Variants in TFDP2 observed in about 807,000 individuals in gnomAD.
TFDP2 encodes the protein transcription factor Dp-2 (E2F dimerization partner 2).
A neutral mutation model predicts 59.3 loss-of-function variants in TFDP2; 17 were observed. The observed-to-expected ratio is 0.29, with a 90% CI of 0.20 to 0.43. The LOEUF (loss-of-function observed/expected upper bound fraction) is 0.43. Ranked by LOEUF, TFDP2 falls within the 20% of genes least tolerant of loss-of-function variation. The pLI is 1.00. For missense variants in TFDP2, 391 were observed against 528.8 expected (o/e 0.74, Z 2.56); for synonymous variants, 180 against 194.7 (o/e 0.92, Z 0.63).
rs1365861572 is a variant in TFDP2 at position 142,149,295 on chromosome 3, C to T, written c.-205G>A. On this transcript the variant is annotated 5_prime_UTR_variant, in exon 1 of 13. Transcript: ENST00000489671. ...GCCCGCGCTTAGGCGGCGGCCGGGT[C>T]CCGGTGGACTCACACCCGGGGAGAC... 5.1e-6 allele frequency: 2 copies of T among 395,788 alleles called. No individual in the cohort carries two copies. The highest frequency in any genetic ancestry group is 4.1e-5 in the African/African-American group (2 of 48,438). 24.5% of individuals were successfully genotyped at this position (395,788 alleles called of 1,614,324 possible).
intron 3 of TFDP2, among the ~76,000 whole-genome samples, chr3:142,091,491 G>A (rs1432946334): frequency 2.0e-5 from 3 of 151,948 alleles, no homozygotes; most frequent in African/African-American, 4.8e-5. Flanking sequence ...ACTTGAACCC[G>A]GGAAGTGGAG....
intron 11 of TFDP2, among the ~76,000 whole-genome samples, chr3:141,955,222 C>A (rs1438522618): frequency 6.6e-6 from 1 of 152,162 alleles, no homozygotes. Context: ...AGGATCCACA[C>A]AATGGTTCTC....
At chr3:142,112,378 G>A (rs2061693594) in intron 1 of TFDP2, among the ~76,000 whole-genome samples, 1 of 152,126 alleles carries the variant, frequency 6.6e-6, no homozygotes, top group Non-Finnish European at 1.5e-5. Flanking sequence ...ATTCCCCAGA[G>A]CTCAACGCAG....
chr3:142,055,150 A>T (rs942384820), intron 3 of TFDP2, among the ~76,000 whole-genome samples: 6 of 152,224 alleles, frequency 3.9e-5, no homozygotes, highest in Non-Finnish European at 5.9e-5. Context: ...TTCAACAAGC[A>T]TTGAATTGTT....
intron 8 of TFDP2, among the ~76,000 whole-genome samples, chr3:141,973,123 ATTTTTT>A (rs761950988): frequency 3.4e-5 from 2 of 58,026 alleles, no homozygotes; most frequent in African/African-American, 1.3e-4. Flanking sequence ...ATATATATAT[ATTTTTT>A]TTTTTTAAAG....
intron 3 of TFDP2, among the ~76,000 whole-genome samples, chr3:142,031,838 TG>T (rs1946444882): frequency 6.6e-6 from 1 of 152,202 alleles, no homozygotes; most frequent in Admixed American, 6.5e-5. Flanking sequence ...AGTGTAATGA[TG>T]GCAGGCATTG....
chr3:142,022,369 C>A (rs1945684886), intron 3 of TFDP2, among the ~76,000 whole-genome samples: 1 of 152,186 alleles, frequency 6.6e-6, no homozygotes, highest in Admixed American at 6.5e-5. Context: ...GTACACTGAA[C>A]TTATTTCTAT....
At chr3:141,973,123 A>ATATATTTTTTTTTTT in intron 8 of TFDP2, among the ~76,000 whole-genome samples, 42 of 57,988 alleles carry the variant, frequency 7.2e-4, no homozygotes, top group East Asian at 6.9e-3. Flanking sequence ...ATATATATAT[A>ATATATTTTTTTTTTT]TTTTTTTTTT....
chr3:141,984,329 G>A (rs557579597), intron 6 of TFDP2, among the ~76,000 whole-genome samples: 60 of 152,060 alleles, frequency 3.9e-4, no homozygotes, highest in Admixed American at 1.0e-3. Context: ...GTGAAACCCC[G>A]TTTACTAAAA....
Position 141,959,659 on chromosome 3 carries a change from C to A in TFDP2, c.1051+15G>T. On this transcript the variant is annotated intron_variant, in intron 11 of 12. Transcript: ENST00000489671. Reference sequence around the variant, plus strand: ...TTTAATCAGGGACAACACATGAAAGCATCAGTTAACATACCTGTGATATAA... The same window carrying A: ...TTTAATCAGGGACAACACATGAAAGAATCAGTTAACATACCTGTGATATAA... The A allele has an allele frequency of 6.2e-7, 1 of 1,609,292 alleles. No homozygotes were observed.
chr3:142,037,384 T>C (rs1411386249), intron 3 of TFDP2, among the ~76,000 whole-genome samples: 1 of 152,110 alleles, frequency 6.6e-6, no homozygotes, highest in Non-Finnish European at 1.5e-5. Flanking sequence ...ATTAGAGAGA[T>C]GGTAAAGGGT....
chr3:141,971,126 T>C (rs1939666223), intron 8 of TFDP2, among the ~76,000 whole-genome samples: 2 of 151,984 alleles, frequency 1.3e-5, no homozygotes, highest in Non-Finnish European at 2.9e-5. Context: ...CTGCTTTTTT[T>C]CTCAATCTGA....
At position 142,022,030 on chromosome 3, in the gene TFDP2, T is replaced by C. The variant is rs375902487; in HGVS notation, c.83-16486A>G. On this transcript the variant is annotated intron_variant, in intron 3 of 12. Transcript: ENST00000489671. ...AACTTTTTAATTGTTCAATTTCTCATTTTTCTTCCACCTGCTCAACTAAAA... is the reference window on the plus strand; with the variant it reads ...AACTTTTTAATTGTTCAATTTCTCACTTTTCTTCCACCTGCTCAACTAAAA... 9.4e-4 allele frequency among the ~76,000 whole-genome samples: 143 copies of C among 152,354 alleles called. 3 individuals carry two copies. In the South Asian group the frequency reaches 0.029, roughly 31 times the overall value.
intron 3 of TFDP2, among the ~76,000 whole-genome samples, chr3:142,056,474 G>A (rs565494750): frequency 1.3e-5 from 2 of 152,156 alleles, no homozygotes; most frequent in South Asian, 2.1e-4. Flanking sequence ...ACCCAGAAAG[G>A]CTGTCAGATA....
At position 142,091,108 on chromosome 3, in the gene TFDP2, G is replaced by A. The variant is rs546883740; in HGVS notation, c.82+1953C>T. On this transcript the variant is annotated intron_variant, in intron 3 of 12. Transcript: ENST00000489671. Reference sequence around the variant, plus strand: ...AAGAATGGAGTCCCTCAGCCCTCACGGCAGTCTGGAGTGGCCTCGGGCAGC... The same window carrying A: ...AAGAATGGAGTCCCTCAGCCCTCACAGCAGTCTGGAGTGGCCTCGGGCAGC... Among the ~76,000 whole-genome samples the A allele has an allele frequency of 3.9e-5, 6 of 152,212 alleles. No individual in the cohort carries two copies. In the South Asian group the frequency reaches 6.2e-4, roughly 16 times the overall value.
Position 142,009,910 on chromosome 3 carries a change from T to C in TFDP2, c.83-4366A>G, listed in dbSNP as rs537302631. Among the ~76,000 whole-genome samples the C allele has an allele frequency of 2.6e-5, 4 of 151,646 alleles. No individual in the cohort carries two copies. The East Asian group carries it at 7.7e-4, about 29-fold the overall frequency. Reference sequence around the variant, plus strand: ...ATTTTTCACACTGAACAAAAATAAATTTCAGAAAAATCAAATATTGAAACA... The same window carrying C: ...ATTTTTCACACTGAACAAAAATAAACTTCAGAAAAATCAAATATTGAAACA... On this transcript the variant is annotated intron_variant, in intron 3 of 12. Transcript: ENST00000489671.
Position 141,965,268 on chromosome 3 carries a change from T to G in TFDP2, c.733-1305A>C, listed in dbSNP as rs191795367. Among the ~76,000 whole-genome samples the G allele has an allele frequency of 2.8e-3, 425 of 152,034 alleles. 9 individuals carry two copies. Among genetic ancestry groups the G allele is most frequent in the African/African-American group, 0.01 (414 of 41,304 alleles). ...ACCCAGTAGTGATAAATTTATTTTT[T>G]ACATTTTAGCAATCTTATGATCAGT... On this transcript the variant is annotated intron_variant, in intron 9 of 12. Coordinates refer to ENST00000489671, the MANE Select transcript of TFDP2 (RefSeq NM_001178139.2).
chr3:142,080,805 T>C (rs1201093051), intron 3 of TFDP2, among the ~76,000 whole-genome samples: 3 of 152,184 alleles, frequency 2.0e-5, no homozygotes, highest in African/African-American at 4.8e-5. Context: ...TAAATATATA[T>C]GTACCCAACA....
chr3:142,112,966 C>G (rs561211483), intron 1 of TFDP2, among the ~76,000 whole-genome samples: 5 of 152,076 alleles, frequency 3.3e-5, no homozygotes, highest in Non-Finnish European at 7.4e-5. Flanking sequence ...TACTTCTGTC[C>G]CTACCCAAAG....
Sources: gnomAD v4.1 joint callset for allele counts (sites outside exome capture counted in the v4.1 genomes callset) on GRCh38, gnomAD v4.1.1 for gene constraint, MANE v1.5 for transcripts, NCBI Gene and HGNC (gene_info 2026-07-23, HGNC 2026-07-21) for gene names.